The following RIMBP2 variants were observed in gnomAD, a reference collection of about 807,000 sequenced individuals.
The protein encoded by RIMBP2 is RIMS binding protein 2.
In RIMBP2, 48 loss-of-function variants were observed where a neutral mutation model predicts 118.6. The ratio of observed to expected loss-of-function variants is 0.40; its 90% CI spans 0.32 to 0.51. The LOEUF (loss-of-function observed/expected upper bound fraction) is 0.51, where lower values mean the gene tolerates loss of function less well. Ranked by LOEUF, RIMBP2 falls within the 20% of genes least tolerant of loss-of-function variation. The pLI, the probability that RIMBP2 is intolerant of heterozygous loss-of-function variation, is 0.41. For missense variants in RIMBP2, 1,551 were observed against 1,768.3 expected (o/e 0.88, Z 2.20); for synonymous variants, 762 against 742.9 (o/e 1.03, Z -0.42).
chr12:130,476,581 G>T (rs1335018384), intron 5 of RIMBP2, among the ~76,000 whole-genome samples: 9 of 152,162 alleles, frequency 5.9e-5, no homozygotes, highest in African/African-American at 2.2e-4. Context: ...CGCTGGGCTG[G>T]TTCCCAAGGG....
chr12:130,558,538 C>T (rs2056554724), intron 2 of RIMBP2, among the ~76,000 whole-genome samples: 1 of 152,164 alleles, frequency 6.6e-6, no homozygotes, highest in African/African-American at 2.4e-5. Context: ...AGCCGTGCAG[C>T]TCAGTCCGAC....
At chr12:130,407,632 A>G in intron 20 of RIMBP2, 94 bp downstream of exon 20, 1 of 960,688 alleles carries the variant, frequency 1.0e-6, no homozygotes, top group Middle Eastern at 2.1e-4. Flanking sequence ...AGAAGGAATG[A>G]GGAGGTGAAC....
chr12:130,639,671 C>T (rs768591657), intron 1 of RIMBP2, among the ~76,000 whole-genome samples: 4 of 152,164 alleles, frequency 2.6e-5, no homozygotes, highest in East Asian at 1.9e-4. Context: ...CTGGGCAGCT[C>T]GGGGGCTGGG....
chr12:130,644,228 C>G (rs1349154684), intron 1 of RIMBP2, among the ~76,000 whole-genome samples: 2 of 152,228 alleles, frequency 1.3e-5, no homozygotes, highest in Non-Finnish European at 2.9e-5. Flanking sequence ...CTCACTCACA[C>G]ACACACACTT....
rs1566468068 is a variant in RIMBP2 at position 130,701,403 on chromosome 12, C to CCATA, written c.-352+14818_-352+14819insTATG. ...TGCCTTACACTCAGCTTACATCACA[C>CCATA]GTGGAACTGCTTGTATTGGAGTTTA... On this transcript the variant is annotated intron_variant, in intron 1 of 22. Transcript: ENST00000690449. Among the ~76,000 whole-genome samples, 8 of 152,228 alleles carry CCATA rather than the reference C, an allele frequency of 5.3e-5. 1 individual carries two copies. The highest frequency in any genetic ancestry group is 1.9e-4 in the African/African-American group (8 of 41,460).
intron 2 of RIMBP2, among the ~76,000 whole-genome samples, chr12:130,572,758 G>C (rs1593853761): frequency 6.6e-6 from 1 of 151,006 alleles, no homozygotes; most frequent in East Asian, 2.0e-4. Context: ...GCACTGCTCT[G>C]GGGAACGCTG....
chr12:130,715,553 G>C (rs145223705), intron 1 of RIMBP2, among the ~76,000 whole-genome samples: 2,095 of 152,290 alleles, frequency 0.014, 33 homozygotes, highest in African/African-American at 0.048. Context: ...GTCTGCCCCC[G>C]GCCAGCAGCC....
At chr12:130,558,644 T>C (rs1052496209) in intron 2 of RIMBP2, among the ~76,000 whole-genome samples, 1 of 152,028 alleles carries the variant, frequency 6.6e-6, no homozygotes, top group African/African-American at 2.4e-5. Context: ...CAGCCTGTGG[T>C]GTCACTCACA....
At chr12:130,611,493 C>CACCGGCT (rs2060549549) in intron 2 of RIMBP2, among the ~76,000 whole-genome samples, 1 of 152,238 alleles carries the variant, frequency 6.6e-6, no homozygotes, top group African/African-American at 2.4e-5. Flanking sequence ...CGCTGGAAGA[C>CACCGGCT]ACCGGCTGCC....
rs369613771 is a variant in RIMBP2, at chr12:130,458,799, C to T, written c.154-2099G>A. 2.5e-3 allele frequency among the ~76,000 whole-genome samples: 385 copies of T among 152,274 alleles called. 4 individuals are homozygous for T. Among genetic ancestry groups the T allele is most frequent in the African/African-American group, 8.4e-3 (351 of 41,552 alleles). On this transcript the variant is annotated intron_variant, in intron 6 of 22. Coordinates refer to ENST00000690449, the MANE Select transcript of RIMBP2 (RefSeq NM_001393629.1). ...GTGGCTCACGCCTGCAATCCCAGCA[C>T]TTTGAGAGGCCGAGGTGGGCGGATC...
At chr12:130,515,281 G>A (rs958306963) in intron 3 of RIMBP2, among the ~76,000 whole-genome samples, 2 of 151,998 alleles carry the variant, frequency 1.3e-5, no homozygotes, top group South Asian at 2.1e-4. Flanking sequence ...AAGGACATTC[G>A]CACTGTTTTA....
At chr12:130,568,596 T>C (rs2057401868) in intron 2 of RIMBP2, among the ~76,000 whole-genome samples, 1 of 152,178 alleles carries the variant, frequency 6.6e-6, no homozygotes. Context: ...CTCAGGAGAC[T>C]CCAGTGGCAA....
intron 1 of RIMBP2, among the ~76,000 whole-genome samples, chr12:130,686,864 C>T (rs566526091): frequency 2.6e-5 from 4 of 152,246 alleles, no homozygotes; most frequent in Non-Finnish European, 5.9e-5. Flanking sequence ...AGGAAGAGGC[C>T]GCTACGAGCC....
chr12:130,428,069 G>C, intron 15 of RIMBP2, 110 bp downstream of exon 15: 1 of 1,017,176 alleles, frequency 9.8e-7, no homozygotes, highest in Non-Finnish European at 1.4e-6. Context: ...GAGGGCTACT[G>C]GTTGTAGGGC....
At chr12:130,562,742 A>G (rs1477359100) in intron 2 of RIMBP2, among the ~76,000 whole-genome samples, 1 of 152,220 alleles carries the variant, frequency 6.6e-6, no homozygotes, top group African/African-American at 2.4e-5. Context: ...CTGAAAAAAC[A>G]ACAGCAGCTG....
In RIMBP2 at chr12:130,506,640, C is replaced by T. The variant is rs923977168; in HGVS notation, c.-4+8G>A. On this transcript the variant is annotated splice_region_variant and intron_variant, in intron 4 of 22. Coordinates refer to ENST00000690449, the MANE Select transcript of RIMBP2 (RefSeq NM_001393629.1). ...AGAAGCGGTCCCAAATGCAGAAAGC[C>T]AGCTTACCTTCAGGACCTGTTCTAG... 13 of 985,552 alleles carry T rather than the reference C, an allele frequency of 1.3e-5. No homozygotes were observed. The highest frequency in any genetic ancestry group is 1.6e-5 in the Non-Finnish European group (13 of 829,922). The allele number at this position is 985,552 out of a possible 1,614,324, so 61.1% of individuals were successfully genotyped here.
intron 2 of RIMBP2, among the ~76,000 whole-genome samples, chr12:130,545,580 G>A (rs558328811): frequency 3.9e-5 from 6 of 152,034 alleles, no homozygotes; most frequent in Non-Finnish European, 7.4e-5. Context: ...AATTGCATTC[G>A]TGCCTCACAC....
intron 1 of RIMBP2, among the ~76,000 whole-genome samples, chr12:130,711,288 A>T (rs1460731991): frequency 1.3e-5 from 2 of 152,236 alleles, no homozygotes; most frequent in Admixed American, 6.5e-5. Flanking sequence ...AATCCAGAGA[A>T]GCCCCAATTT....
At position 130,523,128 on chromosome 12, in the gene RIMBP2, C is replaced by CCT. The variant is rs149137105; in HGVS notation, c.-216-5213_-216-5212dup. On this transcript the variant is annotated intron_variant, in intron 2 of 22. Coordinates refer to ENST00000690449, the MANE Select transcript of RIMBP2 (RefSeq NM_001393629.1). The surrounding 1 kb of genome is among the most constrained non-coding windows in gnomAD (Gnocchi z 4.4). ...TTCTGTCTCTCCCAGTCTCACTCTG[C>CCT]CTCTCTCTCTCTCTCTGCCTCCATG... Among the ~76,000 whole-genome samples the CCT allele has an allele frequency of 6.5e-4, 97 of 149,904 alleles. No homozygotes were observed. Among genetic ancestry groups the CCT allele is most frequent in the Non-Finnish European group, 8.3e-4 (56 of 67,214 alleles).
Sources: gnomAD v4.1 joint callset for allele counts (sites outside exome capture counted in the v4.1 genomes callset) on GRCh38, gnomAD v4.1.1 for gene constraint, Gnocchi (gnomAD v3.1) non-coding constraint, MANE v1.5 for transcripts, NCBI Gene and HGNC (gene_info 2026-07-23, HGNC 2026-07-21) for gene names.